The following PDGFD variants were observed in gnomAD, a reference collection of about 807,000 sequenced individuals.
PDGFD encodes platelet-derived growth factor D.
A neutral mutation model predicts 44.7 loss-of-function variants in PDGFD; 30 were observed. That is an observed-to-expected ratio of 0.67 (90% CI 0.50 to 0.91). The LOEUF is 0.91. Ranked by LOEUF, PDGFD falls within the 40% of genes least tolerant of loss-of-function variation. PDGFD has a pLI of 0.00. For synonymous variants in PDGFD, 173 were observed against 168.4 expected (o/e 1.03, Z -0.21); for missense variants, 445 against 457.8 (o/e 0.97, Z 0.25).
intron 1 of PDGFD, among the ~76,000 whole-genome samples, chr11:104,125,591 G>A (rs1409141660): frequency 6.6e-6 from 1 of 152,016 alleles, no homozygotes; most frequent in East Asian, 1.9e-4. Context: ...CTCAGACCTA[G>A]GTTCAAATAA....
intron 3 of PDGFD, among the ~76,000 whole-genome samples, chr11:103,971,545 C>CAG (rs3049639): frequency 1.3e-5 from 2 of 151,810 alleles, no homozygotes; most frequent in Non-Finnish European, 2.9e-5. Flanking sequence ...AATGTGTATA[C>CAG]AGAGAAGAAC....
At chr11:104,044,454 AT>A (rs1470740953) in intron 1 of PDGFD, among the ~76,000 whole-genome samples, 6 of 152,286 alleles carry the variant, frequency 3.9e-5, no homozygotes, top group Middle Eastern at 6.8e-3. Context: ...AAAAAGTGGC[AT>A]TTTTTAACCT....
chr11:104,100,450 T>G (rs1047462526), intron 1 of PDGFD, among the ~76,000 whole-genome samples: 20 of 152,098 alleles, frequency 1.3e-4, no homozygotes, highest in Non-Finnish European at 2.9e-4. Context: ...AATAACAGGC[T>G]CTGAAATTGA....
At chr11:104,056,521 A>G (rs1310536408) in intron 1 of PDGFD, among the ~76,000 whole-genome samples, 1 of 152,058 alleles carries the variant, frequency 6.6e-6, no homozygotes, top group Non-Finnish European at 1.5e-5. Flanking sequence ...GACACAACGG[A>G]GAAGGCCATG....
chr11:104,024,157 G>A (rs1484213435), intron 1 of PDGFD, among the ~76,000 whole-genome samples: 1 of 151,996 alleles, frequency 6.6e-6, no homozygotes, highest in Non-Finnish European at 1.5e-5. Flanking sequence ...ACTTGGCATT[G>A]AGTATCGAAA....
At chr11:104,099,396 T>C (rs146073461) in intron 1 of PDGFD, among the ~76,000 whole-genome samples, 2,117 of 152,180 alleles carry the variant, frequency 0.014, 40 homozygotes, top group African/African-American at 0.049. Context: ...TCCCAGCATT[T>C]TGGGAGGACA....
chr11:103,994,881 C>CTT lies in PDGFD; in HGVS notation c.510+1182_510+1183dup, dbSNP rs35702032. On this transcript the variant is annotated intron_variant, in intron 3 of 6. Transcript: ENST00000393158. Reference sequence around the variant, plus strand: ...GCATCATTCTCAGTTGTTGCTATTCCTTTTTTTTTTTTTTTTGAGACAGGG... The same window carrying CTT: ...GCATCATTCTCAGTTGTTGCTATTCCTTTTTTTTTTTTTTTTTTGAGACAGGG... 4.2e-3 allele frequency among the ~76,000 whole-genome samples: 569 copies of CTT among 136,412 alleles called. 5 individuals are homozygous for CTT. Among genetic ancestry groups the CTT allele is most frequent in the African/African-American group, 0.014 (519 of 36,888 alleles). The allele number at this position is 136,412 out of a possible 152,430, so 89.5% of individuals were successfully genotyped here. A position where few individuals can be genotyped will look rare whatever the true frequency, so the allele number is the denominator to read the frequency against.
rs748874746 is a variant in PDGFD, at chr11:103,909,722, C to T, written c.1085G>A (p.Cys362Tyr). ...IQLDHHERCD[C>Y]ICSSRPPR ...TCGAGGTGGTCTTGAGCTGCAGATA[C>T]AATCACATCGTTCATGGTGATCCAA... The change falls in exon 7 of 7, where the codon TGT (cysteine) becomes TAT (tyrosine). Residue 362 changes from cysteine to tyrosine, a missense_variant. Transcript: ENST00000393158. 6.2e-7 allele frequency: 1 copy of T among 1,613,998 alleles called. No individual in the cohort carries two copies. Among genetic ancestry groups the T allele is most frequent in the East Asian group, 2.2e-5 (1 of 44,872 alleles).
chr11:104,105,302 T>C (rs1332093937), intron 1 of PDGFD, among the ~76,000 whole-genome samples: 2 of 152,198 alleles, frequency 1.3e-5, no homozygotes, highest in Non-Finnish European at 2.9e-5. Context: ...TTTATTATAG[T>C]ACACACAGTT....
intron 5 of PDGFD, among the ~76,000 whole-genome samples, chr11:103,930,052 A>G (rs1858376982): frequency 6.6e-6 from 1 of 152,198 alleles, no homozygotes; most frequent in African/African-American, 2.4e-5. Flanking sequence ...ATTTCATCCC[A>G]GTCTACATCA....
chr11:104,131,768 T>G (rs1476778526), intron 1 of PDGFD, among the ~76,000 whole-genome samples: 3 of 147,726 alleles, frequency 2.0e-5, no homozygotes, highest in African/African-American at 5.1e-5. Flanking sequence ...GTCCCAGAGT[T>G]TTCCTTTAAG....
At chr11:103,994,926 C>T (rs1448037820) in intron 3 of PDGFD, among the ~76,000 whole-genome samples, 1 of 148,954 alleles carries the variant, frequency 6.7e-6, no homozygotes, top group Non-Finnish European at 1.5e-5. Flanking sequence ...GTTACCCAGG[C>T]TAGACTGCAG....
chr11:104,036,965 T>C (rs760360580), intron 1 of PDGFD: 2 of 1,614,178 alleles, frequency 1.2e-6, no homozygotes, highest in East Asian at 2.2e-5. Context: ...ATCCAGATCA[T>C]CCACATGGAG....
At chr11:104,151,280 C>A (rs1348272152) in intron 1 of PDGFD, among the ~76,000 whole-genome samples, 1 of 152,138 alleles carries the variant, frequency 6.6e-6, no homozygotes, top group African/African-American at 2.4e-5. Context: ...TATTTTCAAT[C>A]AATCAATATT....
In PDGFD at chr11:104,018,584, G is replaced by A. The variant is rs545806295; in HGVS notation, c.125-18329C>T. On this transcript the variant is annotated intron_variant, in intron 1 of 6. Transcript: ENST00000393158. The stretch of plus-strand genomic sequence containing the variant: ...TAGGAAGATGTCTTTTGGGGAATCT[G>A]CCCAACTCATATATCCCCTTCTCTG... 1.6e-3 allele frequency among the ~76,000 whole-genome samples: 242 copies of A among 152,214 alleles called. 2 individuals carry two copies. Among genetic ancestry groups the A allele is most frequent in the Middle Eastern group, 0.01 (3 of 294 alleles).
intron 1 of PDGFD, chr11:104,036,971 T>A (rs753625109): frequency 6.2e-7 from 1 of 1,614,180 alleles, no homozygotes; most frequent in South Asian, 1.1e-5. Context: ...ATCATCCACA[T>A]GGAGCGACTC....
Position 104,164,118 on chromosome 11 carries a change from C to A in PDGFD, c.-191G>T. On this transcript the variant is annotated 5_prime_UTR_variant, in exon 1 of 7. Coordinates refer to ENST00000393158, the MANE Select transcript of PDGFD (RefSeq NM_025208.5). Reference sequence around the variant, plus strand: ...TTTCCGAGCGCGTGTGGGTGCCGCACTTCCTTGTGGTGCTGAGCTGATAAA... The same window carrying A: ...TTTCCGAGCGCGTGTGGGTGCCGCAATTCCTTGTGGTGCTGAGCTGATAAA... The A allele has an allele frequency of 2.0e-6, 1 of 507,914 alleles. No individual in the cohort carries two copies. The highest frequency in any genetic ancestry group is 3.4e-6 in the Non-Finnish European group (1 of 292,116). 31.5% of individuals were successfully genotyped at this position (507,914 alleles called of 1,614,324 possible).
chr11:103,944,034 C>T (rs1858633275), intron 4 of PDGFD, among the ~76,000 whole-genome samples: 1 of 152,088 alleles, frequency 6.6e-6, no homozygotes, highest in Non-Finnish European at 1.5e-5. Context: ...AAACTCCTTC[C>T]ACATTAGTTT....
At chr11:104,123,564 C>T (rs372251972) in intron 1 of PDGFD, among the ~76,000 whole-genome samples, 123 of 151,862 alleles carry the variant, frequency 8.1e-4, no homozygotes, top group African/African-American at 2.8e-3. Flanking sequence ...ACATAGTAAA[C>T]GATGAGTCAA....
Sources: gnomAD v4.1 joint callset for allele counts (sites outside exome capture counted in the v4.1 genomes callset) on GRCh38, gnomAD v4.1.1 for gene constraint, MANE v1.5 for transcripts, NCBI Gene and HGNC (gene_info 2026-07-23, HGNC 2026-07-21) for gene names.